PHF24: variants seen among roughly 807,000 people sequenced by gnomAD.
PHF24 encodes the protein PHD finger protein 24, also known as Galpha inhibitory interacting protein.
PHF24 carries 25 observed loss-of-function variants against 42.6 expected under a neutral mutation model. That is an observed-to-expected ratio of 0.59 (90% CI 0.43 to 0.82). The LOEUF is 0.82. Ranked by LOEUF, PHF24 falls within the 40% of genes least tolerant of loss-of-function variation. The pLI is 0.00. For missense variants in PHF24, 470 were observed against 538.1 expected (o/e 0.87, Z 1.25); for synonymous variants, 185 against 204.8 (o/e 0.90, Z 0.83).
chr9:34,933,519 T>G, the PHF24 span, among the ~76,000 whole-genome samples: 1 of 151,982 alleles, frequency 6.6e-6, no homozygotes, highest in African/African-American at 2.4e-5. Flanking sequence ...GGTGAGGAGA[T>G]GGAGACCATC....
chr9:34,738,409 G>C, the PHF24 span, among the ~76,000 whole-genome samples: 5 of 152,052 alleles, frequency 3.3e-5, no homozygotes, highest in Non-Finnish European at 5.9e-5. Flanking sequence ...GGAGTGCGGT[G>C]GTGCAATCTC....
At chr9:34,723,065 A>T in the PHF24 span, 10 of 780,718 alleles carry the variant, frequency 1.3e-5, no homozygotes, top group Non-Finnish European at 1.8e-5. Context: ...GCTGAGAAAT[A>T]TAGAGTGTAT....
chr9:34,894,915 G>A, the PHF24 span: 2 of 396,544 alleles, frequency 5.0e-6, no homozygotes, highest in Non-Finnish European at 8.9e-6. Context: ...AATTGTCCCT[G>A]GGGGGTACTA....
At chr9:34,953,112 A>T (rs113362769), upstream of PHF24, among the ~76,000 whole-genome samples, 4,017 of 152,336 alleles carry the variant, frequency 0.026, 175 homozygotes, top group African/African-American at 0.092. The surrounding 1 kb of genome is among the most constrained non-coding windows in gnomAD (Gnocchi z 4.1). Flanking sequence ...AAAAGACAGG[A>T]TGGATAAACT....
the PHF24 span, among the ~76,000 whole-genome samples, chr9:34,755,887 T>A: frequency 6.6e-6 from 1 of 152,312 alleles, no homozygotes. Flanking sequence ...TGGTTGTCTA[T>A]TCACTCTGTT....
At chr9:34,793,893 C>A in the PHF24 span, among the ~76,000 whole-genome samples, 1 of 151,486 alleles carries the variant, frequency 6.6e-6, no homozygotes, top group Non-Finnish European at 1.5e-5. Flanking sequence ...GGGGTGAACC[C>A]CTGTTATTTT....
chr9:34,726,956 C>T, the PHF24 span: 11 of 1,550,942 alleles, frequency 7.1e-6, no homozygotes, highest in Middle Eastern at 5.0e-4. Flanking sequence ...CAGGATTCGC[C>T]GCACACTTCT....
chr9:34,700,693 G>A, the PHF24 span, among the ~76,000 whole-genome samples: 6 of 152,120 alleles, frequency 3.9e-5, no homozygotes, highest in African/African-American at 1.4e-4. Context: ...GGGAGTAAAT[G>A]GATGGTACTT....
chr9:34,976,855 A>G, intron 5 of PHF24, 115 bp downstream of exon 5: 1 of 997,578 alleles, frequency 1.0e-6, no homozygotes, highest in Non-Finnish European at 1.5e-6. Flanking sequence ...AAGTATCAGG[A>G]ATGGGCTCAG....
chr9:34,968,825 G>T (rs1397634038), intron 1 of PHF24, among the ~76,000 whole-genome samples: 2 of 152,228 alleles, frequency 1.3e-5, no homozygotes, highest in Non-Finnish European at 2.9e-5. Flanking sequence ...GATAAGTACT[G>T]TGTGGGATAA....
At chr9:34,919,408 A>G in the PHF24 span, among the ~76,000 whole-genome samples, 3 of 152,162 alleles carry the variant, frequency 2.0e-5, no homozygotes, top group Non-Finnish European at 2.9e-5. Context: ...TATTTCTTCT[A>G]TCTAACTCTA....
chr9:34,902,152 C>T, the PHF24 span, among the ~76,000 whole-genome samples: 1 of 152,016 alleles, frequency 6.6e-6, no homozygotes, highest in Non-Finnish European at 1.5e-5. Context: ...ATAATATACA[C>T]ATGAAGATCT....
chr9:34,873,595 T>C, the PHF24 span, among the ~76,000 whole-genome samples: 1 of 151,932 alleles, frequency 6.6e-6, no homozygotes, highest in African/African-American at 2.4e-5. Context: ...CCATGCTGTT[T>C]TGGTTACTGT....
chr9:34,682,309 A>C, the PHF24 span, among the ~76,000 whole-genome samples: 4 of 152,036 alleles, frequency 2.6e-5, no homozygotes, highest in African/African-American at 9.7e-5. Context: ...GTGGACTTCT[A>C]ACCTTCAGAA....
At chr9:34,859,685 A>AT in the PHF24 span, among the ~76,000 whole-genome samples, 3 of 151,910 alleles carry the variant, frequency 2.0e-5, no homozygotes, top group African/African-American at 4.8e-5. Flanking sequence ...AAATAGTTTG[A>AT]TTTTTTCAAG....
At chr9:34,922,272 A>G in the PHF24 span, 11 of 1,592,402 alleles carry the variant, frequency 6.9e-6, no homozygotes, top group Admixed American at 1.8e-4. Context: ...TAATTGCATT[A>G]TTAGTGTGCT....
the PHF24 span, among the ~76,000 whole-genome samples, chr9:34,774,498 G>T: frequency 6.6e-6 from 1 of 152,122 alleles, no homozygotes; most frequent in African/African-American, 2.4e-5. Flanking sequence ...CCAGCTGGGT[G>T]TGGTGGTTTA....
chr9:34,799,640 T>G, the PHF24 span, among the ~76,000 whole-genome samples: 1 of 152,210 alleles, frequency 6.6e-6, no homozygotes, highest in Non-Finnish European at 1.5e-5. Flanking sequence ...GATATCTTTT[T>G]CCCAGGTGAT....
At chr9:34,908,846 T>TC in the PHF24 span, among the ~76,000 whole-genome samples, 24 of 149,846 alleles carry the variant, frequency 1.6e-4, no homozygotes, top group South Asian at 6.4e-4. Context: ...TCTTTTCTTT[T>TC]TTTTTTTTTT....
Sources: allele counts gnomAD v4.1 joint callset (sites outside exome capture counted in the v4.1 genomes callset), GRCh38; gene constraint gnomAD v4.1.1; non-coding constraint Gnocchi (gnomAD v3.1); transcripts MANE v1.5; gene names NCBI Gene and HGNC (gene_info 2026-07-23, HGNC 2026-07-21).